The following WDR72 variants were observed in gnomAD, a reference collection of about 807,000 sequenced individuals.
WDR72 encodes WD repeat-containing protein 72.
Under a neutral mutation model 124.2 loss-of-function variants are expected in WDR72, and 120 were observed. The observed-to-expected ratio is 0.97, with a 90% CI of 0.83 to 1.12. The LOEUF is 1.12. Among genes scored for constraint, WDR72 ranks in the 50% most tolerant of loss-of-function variants. WDR72 has a pLI of 0.00. For missense variants in WDR72, 1,387 were observed against 1,278.8 expected (o/e 1.08, Z -1.29); for synonymous variants, 452 against 441.7 (o/e 1.02, Z -0.29).
intron 18 of WDR72, among the ~76,000 whole-genome samples, chr15:53,580,495 A>C (rs968600793): frequency 2.6e-5 from 4 of 152,052 alleles, no homozygotes; most frequent in African/African-American, 9.7e-5. Context: ...AGTCCATGCC[A>C]GGGAGCATTA....
chr15:53,570,683 A>T (rs1894491223), intron 18 of WDR72, among the ~76,000 whole-genome samples: 1 of 152,146 alleles, frequency 6.6e-6, no homozygotes, highest in African/African-American at 2.4e-5. Context: ...GAGGTCTCTC[A>T]AAGAACTAAA....
At position 53,699,867 on chromosome 15, in the gene WDR72, G is replaced by A. The variant is rs540530291; in HGVS notation, c.1648C>T (p.Leu550Phe). The change falls in exon 13 of 20, where the codon CTC becomes TTC. Residue 550 changes from leucine to phenylalanine, a missense_variant. Leu to Phe is a conservative substitution (Grantham distance 22). Coordinates refer to ENST00000360509, the MANE Select transcript of WDR72 (RefSeq NM_182758.4). Reference sequence around the variant, plus strand: ...AAAAGGTGCTTCCGGGCATGCAGGAGGCAACTCTTTCCCTCAAGGTGAAGG... The same window carrying A: ...AAAAGGTGCTTCCGGGCATGCAGGAAGCAACTCTTTCCCTCAAGGTGAAGG... The part of the protein sequence containing the change: ...ALLHLEGKSC[L>F]LHARKHLFPV... 5.6e-5 allele frequency: 90 copies of A among 1,614,072 alleles called. No homozygotes were observed. In the East Asian group the frequency reaches 1.6e-3, roughly 28 times the overall value.
chr15:53,555,771 A>ATT (rs1293335140), intron 18 of WDR72, among the ~76,000 whole-genome samples: 1 of 152,058 alleles, frequency 6.6e-6, no homozygotes, highest in East Asian at 1.9e-4. Flanking sequence ...AAAAATATAT[A>ATT]TTTCTCAGCC....
intron 18 of WDR72, among the ~76,000 whole-genome samples, chr15:53,558,368 CTG>C (rs1894004532): frequency 1.3e-5 from 2 of 152,124 alleles, no homozygotes; most frequent in Admixed American, 1.3e-4. Flanking sequence ...ATATTTACAA[CTG>C]TGGTATAAGA....
rs148377019 is a variant in WDR72 at position 53,554,914 on chromosome 15, G to T, written c.3149-31592C>A. Among the ~76,000 whole-genome samples the T allele has an allele frequency of 2.5e-4, 38 of 152,126 alleles. No individual in the cohort carries two copies. The East Asian group carries it at 7.0e-3, about 28-fold the overall frequency. Reference sequence around the variant, plus strand: ...TTTGTACTATTTGTCAATTTTTATGGTACAAATACTCCCACCATAACTAAT... The same window carrying T: ...TTTGTACTATTTGTCAATTTTTATGTTACAAATACTCCCACCATAACTAAT... On this transcript the variant is annotated intron_variant, in intron 18 of 19. Coordinates refer to ENST00000360509, the MANE Select transcript of WDR72 (RefSeq NM_182758.4).
At chr15:53,556,571 GCAATTAT>G in intron 18 of WDR72, among the ~76,000 whole-genome samples, 1 of 152,180 alleles carries the variant, frequency 6.6e-6, no homozygotes, top group South Asian at 2.1e-4. Flanking sequence ...CATTGAGCTG[GCAATTAT>G]CTGGTGAACC....
Position 53,697,869 on chromosome 15 carries a change from C to T in WDR72, c.1765+1881G>A, listed in dbSNP as rs550854968. Among the ~76,000 whole-genome samples the T allele has an allele frequency of 7.9e-5, 12 of 152,142 alleles. 1 individual carries two copies. The highest frequency in any genetic ancestry group is 6.2e-4 in the South Asian group (3 of 4,818). On this transcript the variant is annotated intron_variant, in intron 13 of 19. Coordinates refer to ENST00000360509, the MANE Select transcript of WDR72 (RefSeq NM_182758.4). ...TGTCGCCCAGGCTGGAATGTAGTGG[C>T]GCGATCTCCGCTCACTGCAAGCTCC...
intron 1 of WDR72, among the ~76,000 whole-genome samples, chr15:53,743,259 T>TTTTATAGAGTTTAA (rs1358466788): frequency 1.3e-5 from 2 of 152,106 alleles, no homozygotes; most frequent in African/African-American, 4.8e-5. Flanking sequence ...AAAAGCTGAT[T>TTTTATAGAGTTTAA]TTTATAGAGT....
At chr15:53,660,152 T>G (rs572769208) in intron 14 of WDR72, among the ~76,000 whole-genome samples, 1 of 152,118 alleles carries the variant, frequency 6.6e-6, no homozygotes, top group African/African-American at 2.4e-5. Context: ...AAGGGAAAAT[T>G]TTCATTCTAT....
chr15:53,719,435 G>GAT (rs2017810248), intron 3 of WDR72, among the ~76,000 whole-genome samples: 2 of 152,016 alleles, frequency 1.3e-5, no homozygotes, highest in Admixed American at 1.3e-4. Context: ...TTATGCTATT[G>GAT]GAAGCCCAGA....
chr15:53,694,793 C>T (rs2061600), intron 13 of WDR72, among the ~76,000 whole-genome samples: 85,517 of 152,116 alleles, frequency 0.56, 24,646 homozygotes, highest in East Asian at 0.76. Context: ...AACAGTGAGG[C>T]AAAATGGATC....
intron 1 of WDR72, among the ~76,000 whole-genome samples, chr15:53,753,774 T>A (rs2018830947): frequency 6.6e-6 from 1 of 152,220 alleles, no homozygotes; most frequent in South Asian, 2.1e-4. Flanking sequence ...ATTCAGCAAG[T>A]GTTTACTGAA....
chr15:53,706,346 GTGTGTATA>G (rs1405958301), intron 9 of WDR72, among the ~76,000 whole-genome samples: 8 of 98,072 alleles, frequency 8.2e-5, no homozygotes, highest in African/African-American at 1.8e-4. Flanking sequence ...GTGTGTGTGT[GTGTGTATA>G]TATATATATA....
chr15:53,733,301 T>C, intron 1 of WDR72, 140 bp from the exon 2 acceptor site: 1 of 886,116 alleles, frequency 1.1e-6, no homozygotes, highest in Non-Finnish European at 1.8e-6. Context: ...TGTTTCCCCG[T>C]CAATTAGAAG....
intron 14 of WDR72, among the ~76,000 whole-genome samples, chr15:53,657,804 A>G (rs1267277387): frequency 2.6e-5 from 4 of 152,240 alleles, no homozygotes; most frequent in Non-Finnish European, 5.9e-5. Context: ...GGTAGAAATC[A>G]CGGTTGCCTA....
intron 13 of WDR72, among the ~76,000 whole-genome samples, chr15:53,696,276 C>T (rs893977291): frequency 6.6e-6 from 1 of 152,166 alleles, no homozygotes; most frequent in Admixed American, 6.5e-5. Flanking sequence ...AAGGCCAAGG[C>T]CCAGGAAAAA....
chr15:53,699,266 T>A (rs1486924353), intron 13 of WDR72, among the ~76,000 whole-genome samples: 2 of 152,224 alleles, frequency 1.3e-5, no homozygotes, highest in Non-Finnish European at 2.9e-5. Flanking sequence ...ACATTCTCTA[T>A]GATATGATAT....
At chr15:53,551,349 G>A (rs1246389076) in intron 18 of WDR72, among the ~76,000 whole-genome samples, 1 of 152,128 alleles carries the variant, frequency 6.6e-6, no homozygotes, top group Non-Finnish European at 1.5e-5. Context: ...CGCAGAATTG[G>A]CATGTTTAGA....
At chr15:53,644,752 G>A (rs1273529386) in intron 14 of WDR72, among the ~76,000 whole-genome samples, 1 of 151,956 alleles carries the variant, frequency 6.6e-6, no homozygotes, top group Non-Finnish European at 1.5e-5. Context: ...CCAACGGGTC[G>A]GGTGGAGAGC....
Sources: allele counts gnomAD v4.1 joint callset (sites outside exome capture counted in the v4.1 genomes callset), GRCh38; gene constraint gnomAD v4.1.1; transcripts MANE v1.5; gene names NCBI Gene and HGNC (gene_info 2026-07-23, HGNC 2026-07-21).